ZNF536: variants seen among roughly 807,000 people sequenced by gnomAD.
ZNF536 encodes the protein zinc finger protein 536.
A neutral mutation model predicts 84.5 loss-of-function variants in ZNF536; 13 were observed. The ratio of observed to expected loss-of-function variants is 0.15; its 90% CI spans 0.10 to 0.24. The LOEUF is 0.24. Ranked by LOEUF, ZNF536 falls within the 10% of genes least tolerant of loss-of-function variation. The probability of loss-of-function intolerance (pLI) is 1.00; values close to 1 mark genes in which losing one functional copy is unlikely to be tolerated. For synonymous variants in ZNF536, 811 were observed against 742.5 expected (o/e 1.09, Z -1.50); for missense variants, 1,536 against 1,747.5 (o/e 0.88, Z 2.16).
At chr19:30,659,952 GGT>G (rs5827727) in intron 1 of ZNF536, among the ~76,000 whole-genome samples, 2,535 of 100,928 alleles carry the variant, frequency 0.025, 23 homozygotes, top group Non-Finnish European at 0.032. Flanking sequence ...TTGACACAAG[GGT>G]GTGTGTGTGT....
intron 1 of ZNF536, among the ~76,000 whole-genome samples, chr19:30,668,201 C>G (rs2050406582): frequency 6.6e-6 from 1 of 152,062 alleles, no homozygotes. Context: ...TAAATTTTTG[C>G]AAAATTAAGA....
At chr19:30,415,762 C>A (rs566412649) in intron 1 of ZNF536, among the ~76,000 whole-genome samples, 11 of 152,242 alleles carry the variant, frequency 7.2e-5, no homozygotes, top group Admixed American at 4.6e-4. Context: ...AGGTGCCCAC[C>A]ACCGTGCCCG....
intron 2 of ZNF536, among the ~76,000 whole-genome samples, chr19:30,311,878 G>C (rs938902001): frequency 7.2e-5 from 11 of 152,188 alleles, no homozygotes; most frequent in African/African-American, 2.4e-4. Flanking sequence ...AGACCAGCCT[G>C]GGAAACATAG....
chr19:30,674,222 C>T (rs550306570), intron 1 of ZNF536, among the ~76,000 whole-genome samples: 1 of 152,306 alleles, frequency 6.6e-6, no homozygotes, highest in South Asian at 2.1e-4. Context: ...GCTTTCAGGG[C>T]ACAGTGCTCC....
chr19:30,268,086 C>T (rs893876065), intron 1 of ZNF536, among the ~76,000 whole-genome samples: 2 of 145,490 alleles, frequency 1.4e-5, no homozygotes, highest in African/African-American at 5.1e-5. Context: ...CCCTCCCCCC[C>T]AGATATATTA....
intron 1 of ZNF536, among the ~76,000 whole-genome samples, chr19:30,253,665 G>A (rs1352813182): frequency 6.6e-6 from 1 of 152,196 alleles, no homozygotes; most frequent in Non-Finnish European, 1.5e-5. Flanking sequence ...ATCTGTGTGT[G>A]CCCCGGCTGG....
intron 2 of ZNF536, among the ~76,000 whole-genome samples, chr19:30,286,814 T>A (rs977713189): frequency 6.6e-6 from 1 of 152,224 alleles, no homozygotes; most frequent in Non-Finnish European, 1.5e-5. Context: ...ATAAAGCTTC[T>A]GTCATAAAAA....
chr19:30,706,507 A>G (rs2052235673), intron 1 of ZNF536, among the ~76,000 whole-genome samples: 1 of 152,016 alleles, frequency 6.6e-6, no homozygotes, highest in African/African-American at 2.4e-5. Flanking sequence ...AAAAGAAAGA[A>G]AATACAATAG....
At chr19:30,240,181 C>T (rs2023836601) in intron 1 of ZNF536, among the ~76,000 whole-genome samples, 1 of 151,750 alleles carries the variant, frequency 6.6e-6, no homozygotes, top group South Asian at 2.1e-4. Context: ...CCAGCCTGGC[C>T]AACATGATGA....
At chr19:30,593,347 G>T (rs1181892783) in intron 1 of ZNF536, among the ~76,000 whole-genome samples, 1 of 152,140 alleles carries the variant, frequency 6.6e-6, no homozygotes, top group Admixed American at 6.5e-5. Context: ...TCACTAAGAG[G>T]CCATCCACTG....
At chr19:30,598,194 C>T (rs2047535544) in intron 1 of ZNF536, among the ~76,000 whole-genome samples, 2 of 152,150 alleles carry the variant, frequency 1.3e-5, no homozygotes, top group Non-Finnish European at 2.9e-5. Flanking sequence ...TCCTATCTTC[C>T]AGCAACTCAG....
intron 1 of ZNF536, among the ~76,000 whole-genome samples, chr19:30,618,339 T>C (rs563871319): frequency 3.3e-5 from 5 of 152,196 alleles, no homozygotes; most frequent in South Asian, 2.1e-4. Flanking sequence ...GTGTTCTGTC[T>C]TTGCCAATCA....
At chr19:30,387,761 C>A (rs1324815890) in intron 1 of ZNF536, among the ~76,000 whole-genome samples, 2 of 152,220 alleles carry the variant, frequency 1.3e-5, no homozygotes, top group Non-Finnish European at 2.9e-5. Context: ...GGGCCCTCTC[C>A]ACTCCATCGC....
intron 2 of ZNF536, among the ~76,000 whole-genome samples, chr19:30,332,744 A>G (rs551055381): frequency 6.6e-6 from 1 of 152,160 alleles, no homozygotes; most frequent in Non-Finnish European, 1.5e-5. Flanking sequence ...CCTTGCTGTG[A>G]CCTAGCACCC....
chr19:30,583,416 G>C (rs187928975), intron 1 of ZNF536, among the ~76,000 whole-genome samples: 1 of 152,216 alleles, frequency 6.6e-6, no homozygotes. Context: ...GAGAGGCAGA[G>C]AGGCCATTGG....
At chr19:30,639,631 G>C (rs1423639326) in intron 1 of ZNF536, among the ~76,000 whole-genome samples, 2 of 152,286 alleles carry the variant, frequency 1.3e-5, no homozygotes, top group East Asian at 3.9e-4. Flanking sequence ...CAGATTTTAA[G>C]GATTTATTTC....
At chr19:30,628,270 C>T (rs1363130356) in intron 1 of ZNF536, among the ~76,000 whole-genome samples, 1 of 152,196 alleles carries the variant, frequency 6.6e-6, no homozygotes, top group Non-Finnish European at 1.5e-5. Context: ...CCGCCTGCTA[C>T]GATGCTGGCC....
At chr19:30,314,396 A>G (rs1306218785) in intron 2 of ZNF536, among the ~76,000 whole-genome samples, 1 of 151,862 alleles carries the variant, frequency 6.6e-6, no homozygotes, top group East Asian at 1.9e-4. Flanking sequence ...CTCCTTTGTG[A>G]GTTAGCTGCA....
chr19:30,253,609 A>T (rs528996435), intron 1 of ZNF536, among the ~76,000 whole-genome samples: 1 of 152,166 alleles, frequency 6.6e-6, no homozygotes, highest in East Asian at 1.9e-4. Flanking sequence ...GAGGCAGGAG[A>T]CTGTGTCATT....
Sources: gnomAD v4.1 joint callset for allele counts (sites outside exome capture counted in the v4.1 genomes callset) on GRCh38, gnomAD v4.1.1 for gene constraint, MANE v1.5 for transcripts, NCBI Gene and HGNC (gene_info 2026-07-23, HGNC 2026-07-21) for gene names.